SNAP91: variants seen among roughly 807,000 people sequenced by gnomAD.
SNAP91 encodes clathrin coat assembly protein AP180.
A neutral mutation model predicts 100.3 loss-of-function variants in SNAP91; 27 were observed. The ratio of observed to expected loss-of-function variants is 0.27; its 90% CI spans 0.20 to 0.37. SNAP91 has a LOEUF of 0.37. SNAP91 is among the 10% of genes least tolerant of loss of function. The pLI, the probability that SNAP91 is intolerant of heterozygous loss-of-function variation, is 1.00. For missense variants in SNAP91, 986 were observed against 1,123.7 expected, an observed-to-expected ratio of 0.88 and a Z score of 1.75; for synonymous variants, 404 against 398.6, an observed-to-expected ratio of 1.01 and a Z score of -0.16.
At chr6:83,633,887 T>G (rs917678592) in intron 8 of SNAP91, among the ~76,000 whole-genome samples, 1 of 149,994 alleles carries the variant, frequency 6.7e-6, no homozygotes, top group African/African-American at 2.5e-5. Context: ...CCCCGAGTTC[T>G]GGCCAAGAGG....
intron 4 of SNAP91, among the ~76,000 whole-genome samples, chr6:83,662,007 C>T (rs953952548): frequency 3.3e-5 from 5 of 152,084 alleles, no homozygotes; most frequent in African/African-American, 1.2e-4. Flanking sequence ...CCCTATTAAT[C>T]CACACAAAAC....
At chr6:83,572,206 T>G (rs1809235432) in intron 26 of SNAP91, among the ~76,000 whole-genome samples, 1 of 152,162 alleles carries the variant, frequency 6.6e-6, no homozygotes, top group Non-Finnish European at 1.5e-5. Context: ...AAAATTTGTC[T>G]TCTTCTCTTC....
chr6:83,695,659 A>T (rs909046902), intron 2 of SNAP91, among the ~76,000 whole-genome samples: 3 of 152,148 alleles, frequency 2.0e-5, no homozygotes, highest in Non-Finnish European at 4.4e-5. Context: ...TTACACTTGC[A>T]GCAATTGAGT....
intron 26 of SNAP91, among the ~76,000 whole-genome samples, chr6:83,564,249 G>A (rs1476533923): frequency 6.6e-6 from 1 of 151,578 alleles, no homozygotes; most frequent in Admixed American, 6.6e-5. Context: ...AGCCCAATAT[G>A]TCAGACGGTC....
chr6:83,655,630 C>T (rs1273030837), intron 7 of SNAP91, among the ~76,000 whole-genome samples: 1 of 152,056 alleles, frequency 6.6e-6, no homozygotes, highest in Non-Finnish European at 1.5e-5. Flanking sequence ...AAATTTTGAC[C>T]AAAGAACATC....
At chr6:83,674,943 A>T (rs1437585130) in intron 2 of SNAP91, among the ~76,000 whole-genome samples, 1 of 152,178 alleles carries the variant, frequency 6.6e-6, no homozygotes, top group African/African-American at 2.4e-5. Flanking sequence ...AAGGAGAGGT[A>T]TTGGGTGAAC....
At chr6:83,611,220 T>A (rs1452555172) in intron 11 of SNAP91, among the ~76,000 whole-genome samples, 1 of 152,100 alleles carries the variant, frequency 6.6e-6, no homozygotes, top group Non-Finnish European at 1.5e-5. Context: ...CCCATGGCTG[T>A]AATAAAAACT....
At chr6:83,569,936 C>T (rs531278809) in intron 26 of SNAP91, among the ~76,000 whole-genome samples, 1 of 152,208 alleles carries the variant, frequency 6.6e-6, no homozygotes, top group African/African-American at 2.4e-5. Flanking sequence ...ATTGCCCAGT[C>T]TCGGGTATGT....
intron 2 of SNAP91, among the ~76,000 whole-genome samples, chr6:83,681,885 T>A (rs891575950): frequency 2.8e-4 from 42 of 152,152 alleles, no homozygotes; most frequent in Admixed American, 2.4e-3. Context: ...CATATTAGGT[T>A]AAATTTGAAA....
At chr6:83,587,906 T>C (rs2093030228) in intron 22 of SNAP91, among the ~76,000 whole-genome samples, 1 of 152,198 alleles carries the variant, frequency 6.6e-6, no homozygotes, top group Non-Finnish European at 1.5e-5. Flanking sequence ...TATTTTTCTA[T>C]AAGAAAACAG....
chr6:83,555,336 C>T (rs1776275848), intron 29 of SNAP91, among the ~76,000 whole-genome samples: 1 of 152,142 alleles, frequency 6.6e-6, no homozygotes, highest in South Asian at 2.1e-4. Context: ...GGACAAGAGT[C>T]CAAAAACACT....
Position 83,707,875 on chromosome 6 carries a change from G to A in SNAP91, c.53C>T (p.Thr18Ile). 1.2e-6 allele frequency: 2 copies of A among 1,611,590 alleles called. No homozygotes were observed. The highest frequency in any genetic ancestry group is 1.7e-6 in the Non-Finnish European group (2 of 1,179,054). ...DRIAAAQYSVTGSAVARAVCK... is the reference protein window; with the variant it reads ...DRIAAAQYSVIGSAVARAVCK... ...GACCGCTCTTGCTACAGCAGAGCCT[G>A]TAACGCTGTACTGAGCGGCGGCGAT... is the stretch of plus-strand genomic sequence containing the variant. Residue 18 changes from threonine to isoleucine, a missense_variant, in exon 2 of 30, where the codon ACA (threonine) becomes ATA (isoleucine). Transcript: ENST00000369694.
At chr6:83,562,792 G>A (rs1790109216) in intron 26 of SNAP91, among the ~76,000 whole-genome samples, 1 of 152,120 alleles carries the variant, frequency 6.6e-6, no homozygotes, top group Non-Finnish European at 1.5e-5. Flanking sequence ...GTGATATCCT[G>A]GACCCCAATA....
Position 83,617,560 on chromosome 6 carries a change from C to A in SNAP91, c.808-521G>T, listed in dbSNP as rs983936432. 3.3e-5 allele frequency among the ~76,000 whole-genome samples: 5 copies of A among 151,380 alleles called. 1 individual carries two copies. Among genetic ancestry groups the A allele is most frequent in the Middle Eastern group, 6.9e-3 (2 of 290 alleles). Reference sequence around the variant, plus strand: ...GGGAAAAGAATATAATTCTAATAATCAATAACAATTAAGATTTTATTATTG... The same window carrying A: ...GGGAAAAGAATATAATTCTAATAATAAATAACAATTAAGATTTTATTATTG... On this transcript the variant is annotated intron_variant, in intron 9 of 29. Transcript: ENST00000369694.
rs2099356967 is a variant in SNAP91, at chr6:83,704,687, A to G, written c.130+3111T>C. ...GGATTTTGAGCCCAATTAATCCAAT[A>G]CCTTTAAAAAAAAATGACAGGACCA... On this transcript the variant is annotated intron_variant, in intron 2 of 29. Transcript: ENST00000369694. 2.1e-5 allele frequency among the ~76,000 whole-genome samples: 3 copies of G among 144,864 alleles called. No individual in the cohort carries two copies. The South Asian group carries it at 6.5e-4, about 31-fold the overall frequency.
intron 2 of SNAP91, among the ~76,000 whole-genome samples, chr6:83,684,371 C>T (rs1455119116): frequency 6.6e-6 from 1 of 152,176 alleles, no homozygotes; most frequent in South Asian, 2.1e-4. Flanking sequence ...CAACACACAA[C>T]CTGCTTGCAA....
chr6:83,694,052 G>A (rs573251647), intron 2 of SNAP91, among the ~76,000 whole-genome samples: 1 of 152,346 alleles, frequency 6.6e-6, no homozygotes, highest in East Asian at 1.9e-4. Context: ...GGAATATGCA[G>A]TGAGTCCACT....
intron 7 of SNAP91, among the ~76,000 whole-genome samples, chr6:83,646,523 A>G (rs217319): frequency 0.82 from 124,822 of 152,138 alleles, 51,461 homozygotes; most frequent in East Asian, 0.96. Flanking sequence ...ATTAATGTGG[A>G]TTGATTTCTG....
intron 9 of SNAP91, among the ~76,000 whole-genome samples, chr6:83,621,669 T>C (rs1372086949): frequency 6.6e-6 from 1 of 152,122 alleles, no homozygotes; most frequent in African/African-American, 2.4e-5. Flanking sequence ...CATTGTCTAA[T>C]GTTAAAAGCA....
Sources: allele counts gnomAD v4.1 joint callset (sites outside exome capture counted in the v4.1 genomes callset), GRCh38; gene constraint gnomAD v4.1.1; transcripts MANE v1.5; gene names NCBI Gene and HGNC (gene_info 2026-07-23, HGNC 2026-07-21).